TENM4: variants seen among roughly 807,000 people sequenced by gnomAD.
The protein encoded by TENM4 is teneurin-4.
Under a neutral mutation model 243.3 loss-of-function variants are expected in TENM4, and 82 were observed. The observed-to-expected ratio is 0.34, with a 90% CI of 0.28 to 0.40. The LOEUF is 0.40. TENM4 is among the 10% of genes least tolerant of loss of function. TENM4 has a pLI of 1.00. For synonymous variants in TENM4, 1,412 were observed against 1,456.3 expected, an observed-to-expected ratio of 0.97 and a Z score of 0.69; for missense variants, 3,138 against 3,673.3, an observed-to-expected ratio of 0.85 and a Z score of 3.77.
chr11:79,350,831 G>C (rs72935017), intron 1 of TENM4, among the ~76,000 whole-genome samples: 34,488 of 151,898 alleles, frequency 0.23, 4,160 homozygotes, highest in Middle Eastern at 0.29. Context: ...CAGTCAGAGT[G>C]ATTTTTTAAA....
Position 79,231,797 on chromosome 11 carries a change from G to C in TENM4, c.-264-15888C>G, listed in dbSNP as rs550663687. On this transcript the variant is annotated intron_variant, in intron 2 of 33. Transcript: ENST00000278550. The stretch of plus-strand genomic sequence containing the variant: ...TGTGAAAATGAATACTCCAAGAGGG[G>C]GCCAGGCGTGATGGCTCATGCCTCA... Among the ~76,000 whole-genome samples the C allele has an allele frequency of 2.0e-5, 3 of 152,304 alleles. No homozygotes were observed. The South Asian group carries it at 6.2e-4, about 32-fold the overall frequency.
chr11:79,007,708 CAA>C lies in TENM4; in HGVS notation c.493+57028_493+57029del, dbSNP rs557392012. 6.6e-5 allele frequency among the ~76,000 whole-genome samples: 10 copies of C among 152,304 alleles called. No homozygotes were observed. In the South Asian group the frequency reaches 1.9e-3, roughly 28 times the overall value. On this transcript the variant is annotated intron_variant, in intron 6 of 33. Coordinates refer to ENST00000278550, the MANE Select transcript of TENM4 (RefSeq NM_001098816.3). ...ACTCCAGCCAAAGTAGCTCCTCCTC[CAA>C]CACCCTTCACAACCCCTTTTTCTTC...
chr11:78,871,270 A>T (rs752011182), intron 9 of TENM4, among the ~76,000 whole-genome samples: 4 of 152,182 alleles, frequency 2.6e-5, no homozygotes, highest in Non-Finnish European at 5.9e-5. Flanking sequence ...AGTTGTGGAG[A>T]TTAAAAGAAG....
intron 3 of TENM4, among the ~76,000 whole-genome samples, chr11:79,204,836 C>G (rs1047862268): frequency 6.6e-6 from 1 of 152,110 alleles, no homozygotes; most frequent in Non-Finnish European, 1.5e-5. Flanking sequence ...AACAAACAAC[C>G]AAGTCCAGCA....
intron 1 of TENM4, among the ~76,000 whole-genome samples, chr11:79,329,741 T>A (rs1395891272): frequency 1.3e-5 from 2 of 152,164 alleles, no homozygotes; most frequent in Admixed American, 6.5e-5. Flanking sequence ...GAGGCTGGGT[T>A]AGCAGGGAAG....
Position 79,001,214 on chromosome 11 carries a change from G to T in TENM4, c.493+63524C>A, listed in dbSNP as rs1225058078. 2.6e-5 allele frequency among the ~76,000 whole-genome samples: 4 copies of T among 152,172 alleles called. No individual in the cohort carries two copies. The East Asian group carries it at 7.7e-4, about 29-fold the overall frequency. On this transcript the variant is annotated intron_variant, in intron 6 of 33. Coordinates refer to ENST00000278550, the MANE Select transcript of TENM4 (RefSeq NM_001098816.3). The stretch of plus-strand genomic sequence containing the variant: ...ACAAACAGCTTCAAAGTAAAAGAAT[G>T]GAGCCAGGAGAAATGTCTGCCACTG...
chr11:79,325,410 G>A (rs943056364), intron 1 of TENM4, among the ~76,000 whole-genome samples: 8 of 152,172 alleles, frequency 5.3e-5, no homozygotes, highest in Non-Finnish European at 1.2e-4. Context: ...TGAATGAAAA[G>A]ACCCCAAAAT....
intron 6 of TENM4, among the ~76,000 whole-genome samples, chr11:78,939,291 C>T (rs763520028): frequency 5.3e-5 from 8 of 152,320 alleles, no homozygotes; most frequent in Middle Eastern, 3.4e-3. Context: ...CAGAGCTGAC[C>T]ATGTCAGAGC....
In TENM4 at chr11:78,708,412, A is replaced by T. The variant is rs748869982; in HGVS notation, c.4158T>A (p.Asp1386Glu). 13 of 1,613,920 alleles carry T rather than the reference A, an allele frequency of 8.1e-6. No individual in the cohort carries two copies. In the African/African-American group the frequency reaches 1.5e-4, roughly 18 times the overall value. ...AGCTGAGTGGCCGGGCTGATGTGAG[A>T]TCATTAGAGCCGAGCAGGGTGGAGA... is the stretch of plus-strand genomic sequence containing the variant. Reference protein sequence around the residue: ...GIISTLLGSNDLTSARPLSCD... With the variant: ...GIISTLLGSNELTSARPLSCD... The change falls in exon 27 of 34, where the codon GAT becomes GAA. Residue 1386 changes from aspartate to glutamate, a missense_variant. Asp to Glu is a conservative substitution (Grantham distance 45, BLOSUM62 2). Around this residue, in one of 2 missense-constraint regions of TENM4, gnomAD observed 2,467 missense variants for 3,059.1 expected, o/e 0.81. Transcript: ENST00000278550.
Position 79,406,705 on chromosome 11 carries a change from C to A in TENM4, c.-321+33804G>T, listed in dbSNP as rs1351742313. 3.9e-5 allele frequency among the ~76,000 whole-genome samples: 6 copies of A among 152,242 alleles called. No individual in the cohort carries two copies. The East Asian group carries it at 9.6e-4, about 24-fold the overall frequency. ...GTTAAGCGTCAGGCCTTTGTCACAT[C>A]TAAGCCTGGCAGCAAAGCAGAATGG... On this transcript the variant is annotated intron_variant, in intron 1 of 33. Transcript: ENST00000278550.
chr11:79,129,101 C>G (rs1037233119), intron 4 of TENM4, among the ~76,000 whole-genome samples: 1 of 152,168 alleles, frequency 6.6e-6, no homozygotes, highest in African/African-American at 2.4e-5. Flanking sequence ...CATACCCCCA[C>G]TGGAGAAACT....
At position 79,114,118 on chromosome 11, in the gene TENM4, T is replaced by C. The variant is rs970317807; in HGVS notation, c.-66+34592A>G. ...TCTCAACGCCTTGCTGCCAACCCTG[T>C]ACCACCAATTCACTCTATGAGCTCG... On this transcript the variant is annotated intron_variant, in intron 4 of 33. Coordinates refer to ENST00000278550, the MANE Select transcript of TENM4 (RefSeq NM_001098816.3). Among the ~76,000 whole-genome samples the C allele has an allele frequency of 3.3e-5, 5 of 152,160 alleles. No homozygotes were observed. The East Asian group carries it at 9.6e-4, about 29-fold the overall frequency.
At chr11:79,203,701 C>T (rs1863792142) in intron 3 of TENM4, among the ~76,000 whole-genome samples, 1 of 152,190 alleles carries the variant, frequency 6.6e-6, no homozygotes, top group Non-Finnish European at 1.5e-5. Flanking sequence ...TATAAAGTGG[C>T]ATAGTACAGT....
At chr11:78,768,473 G>A (rs965115247) in intron 18 of TENM4, among the ~76,000 whole-genome samples, 1 of 152,224 alleles carries the variant, frequency 6.6e-6, no homozygotes, top group African/African-American at 2.4e-5. Flanking sequence ...TTGTCCCACT[G>A]CATTGCAATT....
intron 1 of TENM4, among the ~76,000 whole-genome samples, chr11:79,351,566 C>A (rs760446876): frequency 1.1e-4 from 16 of 151,980 alleles, no homozygotes; most frequent in Non-Finnish European, 1.5e-4. Context: ...ATTAGCCAGG[C>A]GTGATTGGCA....
intron 4 of TENM4, among the ~76,000 whole-genome samples, chr11:79,083,396 G>A (rs1860727012): frequency 6.6e-6 from 1 of 152,092 alleles, no homozygotes; most frequent in Non-Finnish European, 1.5e-5. Context: ...TTCTCAACCC[G>A]GGGGATATAT....
chr11:78,693,139 G>A (rs1858868101), intron 28 of TENM4, among the ~76,000 whole-genome samples: 1 of 152,184 alleles, frequency 6.6e-6, no homozygotes, highest in Non-Finnish European at 1.5e-5. Context: ...TATTATTGTT[G>A]ATTCAAGACA....
At chr11:78,710,167 C>T (rs1165487198) in intron 26 of TENM4, among the ~76,000 whole-genome samples, 4 of 152,198 alleles carry the variant, frequency 2.6e-5, no homozygotes, top group Admixed American at 6.5e-5. Flanking sequence ...ATTTTCTGGT[C>T]GTATTAACTT....
At position 78,712,677 on chromosome 11, in the gene TENM4, G is replaced by T. The variant is rs1304545369; in HGVS notation, c.3859C>A (p.Pro1287Thr). Residue 1287 changes from proline to threonine, a missense_variant, in exon 26 of 34, where the codon CCC becomes ACC. By Grantham distance (38) the Pro-to-Thr change is conservative (BLOSUM62 -1). Coordinates refer to ENST00000278550, the MANE Select transcript of TENM4 (RefSeq NM_001098816.3). ...GAAAGGAAGACGGCCCCACTCATGGGGTCTGTGGCCAGGTAGTATTTGTGT... is the reference window on the plus strand; with the variant it reads ...GAAAGGAAGACGGCCCCACTCATGGTGTCTGTGGCCAGGTAGTATTTGTGT... The part of the protein sequence containing the change: ...PAHKYYLATD[P>T]MSGAVFLSDS... 1.9e-6 allele frequency: 3 copies of T among 1,613,968 alleles called. No homozygotes were observed. In the African/African-American group the frequency reaches 4.0e-5, roughly 22 times the overall value.
Sources: allele counts gnomAD v4.1 joint callset (sites outside exome capture counted in the v4.1 genomes callset), GRCh38; gene constraint gnomAD v4.1.1; regional missense constraint gnomAD v4.1.1; transcripts MANE v1.5; gene names NCBI Gene and HGNC (gene_info 2026-07-23, HGNC 2026-07-21).